PLEKHA2: variants seen among roughly 807,000 people sequenced by gnomAD.
PLEKHA2 encodes pleckstrin homology domain-containing family A member 2.
PLEKHA2 carries 28 observed loss-of-function variants against 53.2 expected under a neutral mutation model. The observed-to-expected ratio is 0.53, with a 90% CI of 0.39 to 0.72. PLEKHA2 has a LOEUF of 0.72. Among genes scored for constraint, PLEKHA2 ranks in the 30% least tolerant of loss-of-function variants. PLEKHA2 has a pLI of 0.00. For missense variants in PLEKHA2, 426 were observed against 537.9 expected, an observed-to-expected ratio of 0.79 and a Z score of 2.06; for synonymous variants, 193 against 196.4, an observed-to-expected ratio of 0.98 and a Z score of 0.14.
intron 2 of PLEKHA2, among the ~76,000 whole-genome samples, chr8:38,929,434 G>A (rs1473439864): frequency 6.6e-6 from 1 of 152,176 alleles, no homozygotes; most frequent in Non-Finnish European, 1.5e-5. Flanking sequence ...ACCTTTCATT[G>A]ATAATCAGCT....
At chr8:38,947,080 A>C (rs937611106) in intron 5 of PLEKHA2, among the ~76,000 whole-genome samples, 1 of 152,366 alleles carries the variant, frequency 6.6e-6, no homozygotes, top group Admixed American at 6.5e-5. Context: ...TGCTAGACCC[A>C]ACCTGAGTGT....
chr8:38,901,526 G>C (rs1364412443), intron 1 of PLEKHA2, 81 bp downstream of exon 1: 1 of 151,592 alleles, frequency 6.6e-6, no homozygotes, highest in Non-Finnish European at 1.5e-5. Flanking sequence ...GGGGTGCAGG[G>C]GGCGCCCCGG....
intron 5 of PLEKHA2, 112 bp from the exon 6 acceptor site, chr8:38,950,738 T>C (rs1193916123): frequency 7.3e-7 from 1 of 1,360,954 alleles, no homozygotes; most frequent in Non-Finnish European, 1.0e-6. Flanking sequence ...CACGCAAGTC[T>C]GACTGTAATT....
chr8:38,913,023 T>C (rs1051726041), intron 1 of PLEKHA2, among the ~76,000 whole-genome samples: 3 of 152,030 alleles, frequency 2.0e-5, no homozygotes, highest in Admixed American at 1.3e-4. Context: ...AACTGGACTT[T>C]TAGAGGATTG....
intron 9 of PLEKHA2, among the ~76,000 whole-genome samples, chr8:38,955,002 C>G (rs1834912710): frequency 6.6e-6 from 1 of 152,074 alleles, no homozygotes; most frequent in Non-Finnish European, 1.5e-5. Flanking sequence ...CCACTGCACT[C>G]CAGCCTGGGC....
At chr8:38,916,223 T>C (rs765280762) in intron 1 of PLEKHA2, among the ~76,000 whole-genome samples, 5 of 152,174 alleles carry the variant, frequency 3.3e-5, no homozygotes, top group Non-Finnish European at 7.3e-5. Flanking sequence ...GTAATCCACC[T>C]GCCTCAGCCT....
chr8:38,924,585 C>T (rs535097520), intron 2 of PLEKHA2, among the ~76,000 whole-genome samples: 10 of 152,138 alleles, frequency 6.6e-5, no homozygotes, highest in Admixed American at 1.3e-4. Context: ...GTGCCTGCAC[C>T]GGGCAGTCAC....
Position 38,970,572 on chromosome 8 carries a change from G to A in PLEKHA2, c.*789G>A. ...AGTAGTTTGGGAGGCTGAGGCGGGT[G>A]GATCACCTGAGGTCAGGAGTTCGAG... On this transcript the variant is annotated 3_prime_UTR_variant, in exon 12 of 12. Transcript: ENST00000617275. The A allele has an allele frequency of 5.9e-6, 1 of 170,572 alleles. No homozygotes were observed. Among genetic ancestry groups the A allele is most frequent in the Non-Finnish European group, 1.3e-5 (1 of 77,470 alleles). The allele number at this position is 170,572 out of a possible 1,614,324, so 10.6% of individuals were successfully genotyped here. A position where few individuals can be genotyped will look rare whatever the true frequency, so the allele number is the denominator to read the frequency against.
At chr8:38,907,576 G>C (rs947238345) in intron 1 of PLEKHA2, among the ~76,000 whole-genome samples, 5 of 152,032 alleles carry the variant, frequency 3.3e-5, no homozygotes, top group African/African-American at 9.7e-5. Flanking sequence ...CTAGGAGTTT[G>C]AGACCAGCCT....
intron 10 of PLEKHA2, among the ~76,000 whole-genome samples, chr8:38,967,684 C>T (rs1314201503): frequency 6.8e-6 from 1 of 146,942 alleles, no homozygotes; most frequent in African/African-American, 2.5e-5. Context: ...TTTTTTGAGA[C>T]AGAGTCTCAC....
At chr8:38,925,733 G>A (rs1437831187) in intron 2 of PLEKHA2, among the ~76,000 whole-genome samples, 1 of 152,198 alleles carries the variant, frequency 6.6e-6, no homozygotes, top group Non-Finnish European at 1.5e-5. Flanking sequence ...GTGCATTTTA[G>A]TAGAAAGCAT....
intron 10 of PLEKHA2, among the ~76,000 whole-genome samples, chr8:38,965,736 G>A (rs749563441): frequency 3.3e-5 from 5 of 152,084 alleles, no homozygotes; most frequent in African/African-American, 4.8e-5. Flanking sequence ...TATGGAGAGG[G>A]CAATGCGCTT....
chr8:38,904,576 G>A (rs1330685282), intron 1 of PLEKHA2, among the ~76,000 whole-genome samples: 1 of 152,230 alleles, frequency 6.6e-6, no homozygotes, highest in African/African-American at 2.4e-5. Context: ...CTAGGTTTCT[G>A]TTAACTCTCA....
At chr8:38,949,062 A>G (rs1248061320) in intron 5 of PLEKHA2, among the ~76,000 whole-genome samples, 1 of 151,868 alleles carries the variant, frequency 6.6e-6, no homozygotes. Flanking sequence ...GTAGAGACGG[A>G]ATTTCACTAT....
At chr8:38,926,342 T>C (rs550115138) in intron 2 of PLEKHA2, among the ~76,000 whole-genome samples, 11 of 151,500 alleles carry the variant, frequency 7.3e-5, no homozygotes, top group Non-Finnish European at 1.0e-4. Flanking sequence ...TTTTACCAAA[T>C]GCAAATTTTG....
At chr8:38,938,532 C>T (rs545829165) in intron 3 of PLEKHA2, among the ~76,000 whole-genome samples, 5 of 152,366 alleles carry the variant, frequency 3.3e-5, no homozygotes, top group African/African-American at 1.2e-4. Context: ...CTAGCCGTGC[C>T]TGGCCGCTGA....
intron 1 of PLEKHA2, among the ~76,000 whole-genome samples, chr8:38,915,863 G>A (rs1834050850): frequency 6.6e-6 from 1 of 152,152 alleles, no homozygotes; most frequent in Admixed American, 6.5e-5. Flanking sequence ...TACGTAGTAG[G>A]TGTATATATT....
In PLEKHA2 at chr8:38,952,303, A is replaced by G. The variant is rs763632968; in HGVS notation, c.624A>G (p.Gln208=). The change falls in exon 7 of 12, where the codon CAA becomes CAG. Residue 208 remains glutamine (Q), a synonymous_variant. Coordinates refer to ENST00000617275, the MANE Select transcript of PLEKHA2 (RefSeq NM_021623.2). ...PLIKSGYCVK[Q]GNVRKSWKRR... ...TTAAGAGTGGTTACTGCGTGAAGCA[A>G]GGGAATGTGGTGAGTGTCAGCACAG... is the stretch of plus-strand genomic sequence containing the variant. The G allele has an allele frequency of 1.2e-6, 2 of 1,612,590 alleles. No individual in the cohort carries two copies. The highest frequency in any genetic ancestry group is 2.7e-5 in the African/African-American group (2 of 74,918).
chr8:38,916,451 A>G (rs1405757991), intron 1 of PLEKHA2, among the ~76,000 whole-genome samples: 1 of 150,684 alleles, frequency 6.6e-6, no homozygotes, highest in Non-Finnish European at 1.5e-5. Flanking sequence ...CCACCCTTCT[A>G]CTCTCTATCT....
Sources: gnomAD v4.1 joint callset for allele counts (sites outside exome capture counted in the v4.1 genomes callset) on GRCh38, gnomAD v4.1.1 for gene constraint, MANE v1.5 for transcripts, NCBI Gene and HGNC (gene_info 2026-07-23, HGNC 2026-07-21) for gene names.